FMNL3: variants seen among roughly 807,000 people sequenced by gnomAD.
FMNL3 encodes the protein formin-like protein 3.
A neutral mutation model predicts 119.6 loss-of-function variants in FMNL3; 57 were observed. The observed-to-expected ratio is 0.48, with a 90% CI of 0.39 to 0.59. The LOEUF (loss-of-function observed/expected upper bound fraction) is 0.59. Ranked by LOEUF, FMNL3 falls within the 20% of genes least tolerant of loss-of-function variation. The pLI is 0.00. For synonymous variants in FMNL3, 491 were observed against 507.3 expected, an observed-to-expected ratio of 0.97 and a Z score of 0.43; for missense variants, 1,053 against 1,323.5, an observed-to-expected ratio of 0.80 and a Z score of 3.17.
chr12:49,677,476 T>C (rs951932569), intron 1 of FMNL3, among the ~76,000 whole-genome samples: 3 of 152,220 alleles, frequency 2.0e-5, no homozygotes, highest in Non-Finnish European at 4.4e-5. Flanking sequence ...GCAGGAATAA[T>C]AGTACTTACC....
intron 1 of FMNL3, among the ~76,000 whole-genome samples, chr12:49,697,605 C>G (rs769218520): frequency 1.8e-4 from 27 of 152,184 alleles, no homozygotes; most frequent in Non-Finnish European, 3.4e-4. Flanking sequence ...CTTCCAAAAA[C>G]TCCCTCCTGG....
At chr12:49,681,482 C>T (rs1765825094) in intron 1 of FMNL3, among the ~76,000 whole-genome samples, 1 of 152,156 alleles carries the variant, frequency 6.6e-6, no homozygotes, top group Admixed American at 6.5e-5. Context: ...AGCCACTGCG[C>T]CCTGCCTGAG....
At chr12:49,689,471 T>G (rs1403758242) in intron 1 of FMNL3, among the ~76,000 whole-genome samples, 1 of 152,196 alleles carries the variant, frequency 6.6e-6, no homozygotes, top group African/African-American at 2.4e-5. Flanking sequence ...CGATGGCTCA[T>G]GTCTACAATG....
chr12:49,648,247 G>C lies in FMNL3; in HGVS notation c.2622C>G (p.Leu874=). The part of the protein sequence containing the change: ...IHDNSVLRNF[L]STNEGKLDKL... ...TGTCTAGTTTGCCTTCATTGGTACT[G>C]AGGAAGTTCCGGAGGACGCTGTTGT... is the stretch of plus-strand genomic sequence containing the variant. The change falls in exon 22 of 26, where the codon CTC becomes CTG. Residue 874 remains leucine (L), a synonymous_variant. Coordinates refer to ENST00000335154, the MANE Select transcript of FMNL3 (RefSeq NM_175736.5). 1 of 1,614,066 alleles carries C rather than the reference G, an allele frequency of 6.2e-7. No individual in the cohort carries two copies. The highest frequency in any genetic ancestry group is 8.5e-7 in the Non-Finnish European group (1 of 1,179,976).
intron 1 of FMNL3, among the ~76,000 whole-genome samples, chr12:49,680,123 T>C (rs1014012069): frequency 1.3e-5 from 2 of 152,226 alleles, no homozygotes; most frequent in African/African-American, 2.4e-5. Context: ...GCTTAATAGA[T>C]AGATACTCTG....
Position 49,707,079 on chromosome 12 carries a change from C to T in FMNL3, c.102G>A (p.Leu34=). 1 of 1,593,116 alleles carries T rather than the reference C, an allele frequency of 6.3e-7. No homozygotes were observed. Among genetic ancestry groups the T allele is most frequent in the Non-Finnish European group, 8.5e-7 (1 of 1,171,378 alleles). Reference sequence around the variant, plus strand: ...CCAGCACCAGGGCGAACCTTTCCTCCAGCTCACAGGGCTCAGGCATCGGCA... The same window carrying T: ...CCAGCACCAGGGCGAACCTTTCCTCTAGCTCACAGGGCTCAGGCATCGGCA... ...GKMPMPEPCE[L]EERFALVLSS... The change falls in exon 1 of 26, where the codon CTG becomes CTA. Residue 34 remains leucine (L), a synonymous_variant. Coordinates refer to ENST00000335154, the MANE Select transcript of FMNL3 (RefSeq NM_175736.5).
In FMNL3 at chr12:49,640,492, A is replaced by G. The variant is rs547409570; in HGVS notation, c.*5323T>C. ...CTGAGGACCAGATGAGTGAGGACAA[A>G]GAAGGCGGCCTTGGATTTGGCTAGT... On this transcript the variant is annotated 3_prime_UTR_variant, in exon 26 of 26. Coordinates refer to ENST00000335154, the MANE Select transcript of FMNL3 (RefSeq NM_175736.5). 6.6e-6 allele frequency: 1 copy of G among 152,370 alleles called. No homozygotes were observed. The highest frequency in any genetic ancestry group is 1.9e-4 in the East Asian group (1 of 5,168). 9.4% of individuals were successfully genotyped at this position (152,370 alleles called of 1,614,324 possible).
intron 1 of FMNL3, among the ~76,000 whole-genome samples, chr12:49,697,318 T>C (rs978430279): frequency 2.0e-5 from 3 of 152,148 alleles, no homozygotes; most frequent in African/African-American, 7.2e-5. Context: ...TGCTAGGAAA[T>C]GGGAAAACCA....
intron 1 of FMNL3, among the ~76,000 whole-genome samples, chr12:49,682,951 G>A (rs1347970487): frequency 6.6e-6 from 1 of 152,164 alleles, no homozygotes; most frequent in Non-Finnish European, 1.5e-5. Context: ...TTTGTTATCT[G>A]TGGAGAGATA....
chr12:49,687,243 G>A (rs1052487661), intron 1 of FMNL3, among the ~76,000 whole-genome samples: 64 of 151,916 alleles, frequency 4.2e-4, no homozygotes, highest in Admixed American at 5.9e-4. Context: ...ACAGGTGCCC[G>A]CCACCACGCC....
chr12:49,660,011 A>G (rs1222139783), intron 5 of FMNL3: 3 of 967,978 alleles, frequency 3.1e-6, no homozygotes, highest in Non-Finnish European at 3.7e-6. Flanking sequence ...AGGAAGTGGG[A>G]GCAGGCTTTA....
intron 1 of FMNL3, among the ~76,000 whole-genome samples, chr12:49,693,144 T>C (rs917873861): frequency 1.3e-5 from 2 of 152,186 alleles, no homozygotes; most frequent in Admixed American, 6.6e-5. Context: ...TAAAGGTTTT[T>C]AGGCCAGGGA....
chr12:49,645,697 G>T lies in FMNL3; in HGVS notation c.*118C>A. 1 of 803,296 alleles carries T rather than the reference G, an allele frequency of 1.2e-6. No individual in the cohort carries two copies. The highest frequency in any genetic ancestry group is 1.9e-6 in the Non-Finnish European group (1 of 522,550). 49.8% of individuals were successfully genotyped at this position (803,296 alleles called of 1,614,324 possible). On this transcript the variant is annotated 3_prime_UTR_variant, in exon 26 of 26. Coordinates refer to ENST00000335154, the MANE Select transcript of FMNL3 (RefSeq NM_175736.5). ...TAGAAAGATCCAGCCTCAAGAGCTG[G>T]GGCGGACATGGTTGAGAGAGCAACA...
In FMNL3 at chr12:49,648,223, G is replaced by C; in HGVS notation, c.2646C>G (p.Asp882Glu). 1 of 1,613,854 alleles carries C rather than the reference G, an allele frequency of 6.2e-7. No homozygotes were observed. The highest frequency in any genetic ancestry group is 8.5e-7 in the Non-Finnish European group (1 of 1,179,882). The change falls in exon 22 of 26, where the codon GAC becomes GAG. Residue 882 changes from aspartate (D) to glutamate (E), a missense_variant. Physicochemically the swap from Asp to Glu is conservative, Grantham distance 45 (BLOSUM62 2). Around this residue, in one of 4 missense-constraint regions of FMNL3, gnomAD observed 324 missense variants for 380.9 expected, o/e 0.85. Transcript: ENST00000335154. ...NFLSTNEGKL[D>E]KLQRDAKTAE... ...CCGTCTTGGCGTCCCGCTGGAGCTT[G>C]TCTAGTTTGCCTTCATTGGTACTGA...
At position 49,640,440 on chromosome 12, in the gene FMNL3, G is replaced by A. The variant is rs1942466889; in HGVS notation, c.*5375C>T. On this transcript the variant is annotated 3_prime_UTR_variant, in exon 26 of 26. Coordinates refer to ENST00000335154, the MANE Select transcript of FMNL3 (RefSeq NM_175736.5). ...GAGAGGGTGTGACCTGGAGAGGGGA[G>A]TGTTGAAGAAGTAAGTGGTAGAGGC... is the stretch of plus-strand genomic sequence containing the variant. The A allele has an allele frequency of 6.6e-6, 1 of 152,210 alleles. No homozygotes were observed. Among genetic ancestry groups the A allele is most frequent in the Admixed American group, 6.5e-5 (1 of 15,272 alleles). 9.4% of individuals were successfully genotyped at this position (152,210 alleles called of 1,614,324 possible).
chr12:49,649,585 T>A lies in FMNL3; in HGVS notation c.2236-47A>T, dbSNP rs760356416. The A allele has an allele frequency of 9.9e-6, 16 of 1,612,666 alleles. No individual in the cohort carries two copies. The African/African-American group carries it at 1.9e-4, about 19-fold the overall frequency. On this transcript the variant is annotated intron_variant, in intron 18 of 25. Transcript: ENST00000335154. The surrounding 1 kb of genome is among the most constrained non-coding windows in gnomAD (Gnocchi z 5.6). ...GAAGTAACCCCAGGCTGAGATGGGG[T>A]AAAGACAGGGAGGGGTCAGAAGGAC...
chr12:49,644,436 G>A lies in FMNL3; in HGVS notation c.*1379C>T. 1 of 524,186 alleles carries A rather than the reference G, an allele frequency of 1.9e-6. No homozygotes were observed. Among genetic ancestry groups the A allele is most frequent in the South Asian group, 2.1e-5 (1 of 48,336 alleles). The allele number at this position is 524,186 out of a possible 1,614,324, so 32.5% of individuals were successfully genotyped here. On this transcript the variant is annotated 3_prime_UTR_variant, in exon 26 of 26. Transcript: ENST00000335154. ...ACCAGAGATGGGTGGTATATGCCAT[G>A]TGGGGTGGGTGATGCCAGTAGATAA...
At chr12:49,665,331 CCTTACAT>C (rs1943860299) in intron 4 of FMNL3, among the ~76,000 whole-genome samples, 1 of 152,096 alleles carries the variant, frequency 6.6e-6, no homozygotes, top group South Asian at 2.1e-4. Context: ...GCCCCCAGTG[CCTTACAT>C]CTTTCCTGGT....
chr12:49,682,334 T>C (rs1944357773), intron 1 of FMNL3, among the ~76,000 whole-genome samples: 2 of 151,812 alleles, frequency 1.3e-5, no homozygotes, highest in South Asian at 4.2e-4. Context: ...CCTCCCAAAG[T>C]GCTGGGATTA....
Sources: gnomAD v4.1 joint callset for allele counts (sites outside exome capture counted in the v4.1 genomes callset) on GRCh38, gnomAD v4.1.1 for gene constraint, gnomAD v4.1.1 regional missense constraint, Gnocchi (gnomAD v3.1) non-coding constraint, MANE v1.5 for transcripts, NCBI Gene and HGNC (gene_info 2026-07-23, HGNC 2026-07-21) for gene names.